Variants in APP observed in about 807,000 individuals in gnomAD.
The protein encoded by APP is amyloid-beta precursor protein.
A neutral mutation model predicts 101.4 loss-of-function variants in APP; 31 were observed. The ratio of observed to expected loss-of-function variants is 0.31; its 90% CI spans 0.23 to 0.41. APP has a LOEUF of 0.41. APP is among the 10% of genes least tolerant of loss of function. The pLI, the probability that APP is intolerant of heterozygous loss-of-function variation, is 1.00. For missense variants in APP, 839 were observed against 1,003.7 expected, an observed-to-expected ratio of 0.84 and a Z score of 2.22; for synonymous variants, 366 against 364.4, an observed-to-expected ratio of 1.00 and a Z score of -0.05.
At chr21:26,057,461 G>A (rs113906782) in intron 3 of APP, among the ~76,000 whole-genome samples, 2 of 144,002 alleles carry the variant, frequency 1.4e-5, no homozygotes, top group Non-Finnish European at 3.0e-5. Context: ...TATTCAAAAC[G>A]CATGTCACAC....
intron 8 of APP, among the ~76,000 whole-genome samples, chr21:25,982,975 G>A (rs1002685490): frequency 2.2e-4 from 30 of 133,334 alleles, no homozygotes; most frequent in Admixed American, 2.2e-3. Context: ...ACTGAATTAC[G>A]AAGACAACCT....
At chr21:26,096,606 G>A (rs2061946984) in intron 2 of APP, among the ~76,000 whole-genome samples, 1 of 152,198 alleles carries the variant, frequency 6.6e-6, no homozygotes. Context: ...ATAAGTCTGA[G>A]CCACAGGTGG....
At chr21:25,902,687 T>C (rs2038569018) in intron 15 of APP, among the ~76,000 whole-genome samples, 1 of 152,230 alleles carries the variant, frequency 6.6e-6, no homozygotes, top group Non-Finnish European at 1.5e-5. Context: ...GTTCTCTACT[T>C]AACATGCCCC....
At chr21:26,062,906 G>A (rs1040472845) in intron 3 of APP, among the ~76,000 whole-genome samples, 1 of 151,990 alleles carries the variant, frequency 6.6e-6, no homozygotes, top group African/African-American at 2.4e-5. Context: ...GGGACTACAG[G>A]CACATGCTAC....
intron 1 of APP, among the ~76,000 whole-genome samples, chr21:26,169,742 G>C (rs1439401602): frequency 6.6e-6 from 1 of 152,220 alleles, no homozygotes; most frequent in Non-Finnish European, 1.5e-5. Context: ...GCGAGGGCGG[G>C]GTGTCGCGGC....
intron 13 of APP, chr21:25,928,997 G>A (rs1350247744): frequency 1.3e-5 from 2 of 152,264 alleles, no homozygotes; most frequent in African/African-American, 4.8e-5. Context: ...TGGGATTACA[G>A]GCATGAGCCA....
intron 1 of APP, among the ~76,000 whole-genome samples, chr21:26,135,243 A>T (rs1293814804): frequency 6.6e-6 from 1 of 152,202 alleles, no homozygotes; most frequent in East Asian, 1.9e-4. Flanking sequence ...GGCTAACATG[A>T]TTATCTATGT....
rs1555851817 is a variant in APP at position 26,032,803 on chromosome 21, A to AT, written c.663-10762_663-10761insA. The stretch of plus-strand genomic sequence containing the variant: ...GGGGCTTATTATTTTAGAAAAAAAA[A>AT]AAATATATATATATATATAAAGAGC... On this transcript the variant is annotated intron_variant, in intron 5 of 17. Coordinates refer to ENST00000346798, the MANE Select transcript of APP (RefSeq NM_000484.4). Among the ~76,000 whole-genome samples, 237 of 127,728 alleles carry AT rather than the reference A, an allele frequency of 1.9e-3. 1 individual carries two copies. The highest frequency in any genetic ancestry group is 3.9e-3 in the African/African-American group (133 of 34,436). 83.8% of individuals were successfully genotyped at this position (127,728 alleles called of 152,430 possible).
At chr21:26,138,344 C>T (rs1256523447) in intron 1 of APP, among the ~76,000 whole-genome samples, 3 of 151,940 alleles carry the variant, frequency 2.0e-5, no homozygotes, top group Non-Finnish European at 4.4e-5. Flanking sequence ...ATACTATACA[C>T]AAATATTGTA....
intron 3 of APP, among the ~76,000 whole-genome samples, chr21:26,075,089 C>T (rs1446839421): frequency 1.3e-5 from 2 of 152,146 alleles, no homozygotes; most frequent in African/African-American, 4.8e-5. Flanking sequence ...ATTGCTGCTC[C>T]ACATCTTCTG....
At chr21:26,076,625 G>C (rs2061501679) in intron 3 of APP, among the ~76,000 whole-genome samples, 1 of 152,170 alleles carries the variant, frequency 6.6e-6, no homozygotes. Context: ...TATAATCTTA[G>C]GTTATAGCCA....
intron 5 of APP, among the ~76,000 whole-genome samples, chr21:26,032,805 A>ATATATATATAT (rs1555851833): frequency 1.6e-5 from 2 of 124,448 alleles, no homozygotes; most frequent in East Asian, 4.4e-4. Context: ...AAAAAAAAAA[A>ATATATATATAT]ATATATATAT....
chr21:25,923,162 A>G (rs1183989822), intron 13 of APP, among the ~76,000 whole-genome samples: 1 of 106,924 alleles, frequency 9.4e-6, no homozygotes, highest in Admixed American at 9.7e-5. Context: ...GGTGCTGGGA[A>G]AACTGGCTAG....
intron 16 of APP, among the ~76,000 whole-genome samples, chr21:25,893,135 T>C (rs971971869): frequency 2.6e-5 from 4 of 152,200 alleles, no homozygotes; most frequent in African/African-American, 9.7e-5. Flanking sequence ...TTGATGTTAC[T>C]ATTTTAATTG....
At chr21:25,923,035 T>C (rs2039700060) in intron 13 of APP, among the ~76,000 whole-genome samples, 1 of 145,258 alleles carries the variant, frequency 6.9e-6, no homozygotes. Context: ...AACAGAGATA[T>C]AGATCAATGG....
At chr21:25,964,606 CTTTTTTTT>C (rs150904952) in intron 11 of APP, among the ~76,000 whole-genome samples, 23 of 122,558 alleles carry the variant, frequency 1.9e-4, no homozygotes, top group Non-Finnish European at 3.3e-4. Flanking sequence ...TTTTTCTTTT[CTTTTTTTT>C]TTTTTTTTTT....
chr21:25,906,442 T>C (rs927787116), intron 14 of APP, among the ~76,000 whole-genome samples: 2 of 152,258 alleles, frequency 1.3e-5, no homozygotes, highest in Non-Finnish European at 2.9e-5. Context: ...CTTCTAATTA[T>C]GGTGAGGAAC....
At chr21:26,156,178 G>C (rs1259220325) in intron 1 of APP, among the ~76,000 whole-genome samples, 2 of 152,012 alleles carry the variant, frequency 1.3e-5, no homozygotes, top group Non-Finnish European at 2.9e-5. Context: ...TTCATAAAAA[G>C]ATTATAATCT....
chr21:26,096,385 G>A lies in APP; in HGVS notation c.226-6313C>T, dbSNP rs796620942. ...GCTTTCAGACTATCAGGAGGCTGCT[G>A]ACCCCCAACTCCTTTTATGTGGTGC... is the stretch of plus-strand genomic sequence containing the variant. On this transcript the variant is annotated intron_variant, in intron 2 of 17. Transcript: ENST00000346798. 5.9e-5 allele frequency among the ~76,000 whole-genome samples: 9 copies of A among 152,314 alleles called. 1 individual carries two copies. Among genetic ancestry groups the A allele is most frequent in the African/African-American group, 2.2e-4 (9 of 41,566 alleles).
Sources: gnomAD v4.1 joint callset for allele counts (sites outside exome capture counted in the v4.1 genomes callset) on GRCh38, gnomAD v4.1.1 for gene constraint, MANE v1.5 for transcripts, NCBI Gene and HGNC (gene_info 2026-07-23, HGNC 2026-07-21) for gene names.